The following PCDHGA4 variants were observed in gnomAD, a reference collection of about 807,000 sequenced individuals.
PCDHGA4 encodes protocadherin gamma-A4.
PCDHGA4 carries 38 observed loss-of-function variants against 54.6 expected under a neutral mutation model. The ratio of observed to expected loss-of-function variants is 0.70; its 90% CI spans 0.54 to 0.91. PCDHGA4 has a LOEUF of 0.91. PCDHGA4 is among the 40% of genes least tolerant of loss of function. The probability of loss-of-function intolerance (pLI) is 0.00; values close to 1 mark genes in which losing one functional copy is unlikely to be tolerated. For synonymous variants in PCDHGA4, 511 were observed against 512.9 expected (o/e 1.00, Z 0.05); for missense variants, 1,298 against 1,220.9 (o/e 1.06, Z -0.94).
chr5:141,468,832 C>G (rs530307522), intron 1 of PCDHGA4, among the ~76,000 whole-genome samples: 1 of 152,164 alleles, frequency 6.6e-6, no homozygotes, highest in South Asian at 2.1e-4. Flanking sequence ...AGCCACTGCA[C>G]TCCAGCCTGG....
intron 2 of PCDHGA4, among the ~76,000 whole-genome samples, chr5:141,499,022 A>C (rs1244590420): frequency 2.7e-5 from 4 of 150,722 alleles, no homozygotes; most frequent in Admixed American, 2.0e-4. Context: ...GGAAGGAAGG[A>C]AGGAAGAAAA....
At chr5:141,421,000 A>G (rs2096537102) in intron 1 of PCDHGA4, 1 of 507,878 alleles carries the variant, frequency 2.0e-6, no homozygotes, top group East Asian at 3.3e-5. Flanking sequence ...CTGCTCACCA[A>G]TCAGGGAATG....
chr5:141,366,737 G>GAAC, intron 1 of PCDHGA4: 2 of 1,612,444 alleles, frequency 1.2e-6, no homozygotes, highest in Non-Finnish European at 1.7e-6. Context: ...AAACAAAGAA[G>GAAC]AACGGCGAGT....
intron 1 of PCDHGA4, chr5:141,362,463 C>G (rs745712262): frequency 6.2e-7 from 1 of 1,613,916 alleles, no homozygotes; most frequent in Non-Finnish European, 8.5e-7. Flanking sequence ...AATTGGTTCC[C>G]GCGCAAGATC....
chr5:141,459,076 C>T (rs1474375780), intron 1 of PCDHGA4, among the ~76,000 whole-genome samples: 1 of 152,144 alleles, frequency 6.6e-6, no homozygotes, highest in Non-Finnish European at 1.5e-5. Context: ...ATAAAATTTG[C>T]CTTTTAAAAT....
chr5:141,400,076 T>C, intron 1 of PCDHGA4: 2 of 1,613,932 alleles, frequency 1.2e-6, no homozygotes, highest in Non-Finnish European at 1.7e-6. Context: ...CAGCCGCCAC[T>C]CTCCGCCACC....
At chr5:141,428,114 C>CG in intron 1 of PCDHGA4, 2 of 1,607,202 alleles carry the variant, frequency 1.2e-6, no homozygotes, top group Non-Finnish European at 1.7e-6. Flanking sequence ...TGCAGGCCAT[C>CG]GAGCCCGGGC....
At chr5:141,443,321 A>AC (rs1175439570) in intron 1 of PCDHGA4, among the ~76,000 whole-genome samples, 1 of 151,616 alleles carries the variant, frequency 6.6e-6, no homozygotes, top group African/African-American at 2.4e-5. Flanking sequence ...TCTCTACAAA[A>AC]AAAAAAAACA....
At chr5:141,382,022 T>C (rs1330641881) in intron 1 of PCDHGA4, among the ~76,000 whole-genome samples, 1 of 151,530 alleles carries the variant, frequency 6.6e-6, no homozygotes, top group Non-Finnish European at 1.5e-5. Context: ...AGAGACGGGG[T>C]TTCTCCATGT....
At position 141,431,106 on chromosome 5, in the gene PCDHGA4, T is replaced by C. The variant is rs566174531; in HGVS notation, c.2515-63701T>C. 25 of 1,614,108 alleles carry C rather than the reference T, an allele frequency of 1.5e-5. No homozygotes were observed. In the South Asian group the frequency reaches 2.7e-4, roughly 18 times the overall value. On this transcript the variant is annotated intron_variant, in intron 1 of 3. Transcript: ENST00000571252. This position sits in a 1 kb window ranked among gnomAD's most constrained non-coding sequence, Gnocchi z 4.8. ...ATTCTGATGGAGGATAAAGTGAAAA[T>C]ATATGGAGTAGAAGTAGAAGTAAGG...
chr5:141,383,109 T>A, intron 1 of PCDHGA4: 1 of 1,613,908 alleles, frequency 6.2e-7, no homozygotes, highest in Non-Finnish European at 8.5e-7. Context: ...TCTCCAGAGG[T>A]AGGACGCAGC....
In PCDHGA4 at chr5:141,486,143, G is replaced by T; in HGVS notation, c.2515-8664G>T. On this transcript the variant is annotated intron_variant, in intron 1 of 3. Coordinates refer to ENST00000571252, the MANE Select transcript of PCDHGA4 (RefSeq NM_018917.4). This position sits in a 1 kb window ranked among gnomAD's most constrained non-coding sequence, Gnocchi z 5.0. ...CTATGAATTTGATGTGCGGGCTCGC[G>T]ATGGGGGTTCTCCAGCCATGGAGCA... 6.2e-7 allele frequency: 1 copy of T among 1,614,198 alleles called. No homozygotes were observed. Among genetic ancestry groups the T allele is most frequent in the Non-Finnish European group, 8.5e-7 (1 of 1,180,030 alleles).
chr5:141,408,300 T>C lies in PCDHGA4; in HGVS notation c.2514+50679T>C. On this transcript the variant is annotated intron_variant, in intron 1 of 3. Coordinates refer to ENST00000571252, the MANE Select transcript of PCDHGA4 (RefSeq NM_018917.4). ...TTCTACCCCACCCTGAGTGAGCCGATCCGCTACTCGATTCCGGAGGAGCTG... is the reference window on the plus strand; with the variant it reads ...TTCTACCCCACCCTGAGTGAGCCGACCCGCTACTCGATTCCGGAGGAGCTG... The C allele has an allele frequency of 1.2e-6, 2 of 1,613,732 alleles. No homozygotes were observed. The highest frequency in any genetic ancestry group is 1.7e-6 in the Non-Finnish European group (2 of 1,179,694).
chr5:141,457,335 A>G (rs2098917073), intron 1 of PCDHGA4, among the ~76,000 whole-genome samples: 1 of 152,172 alleles, frequency 6.6e-6, no homozygotes, highest in Admixed American at 6.5e-5. Flanking sequence ...CAGGTACCTT[A>G]CTTACTTTCA....
At chr5:141,394,592 G>T (rs754585576) in intron 1 of PCDHGA4, 1 of 1,613,760 alleles carries the variant, frequency 6.2e-7, no homozygotes, top group Non-Finnish European at 8.5e-7. Flanking sequence ...AGGTGGTGGC[G>T]GTGGACAGAG....
At position 141,414,787 on chromosome 5, in the gene PCDHGA4, G is replaced by C. The variant is rs372484037; in HGVS notation, c.2514+57166G>C. ...TCATGAGCTACAGATGCAGGTGACA[G>C]CCAGCGACAGCGGGGATCCTCCACT... On this transcript the variant is annotated intron_variant, in intron 1 of 3. Coordinates refer to ENST00000571252, the MANE Select transcript of PCDHGA4 (RefSeq NM_018917.4). 12 of 1,614,230 alleles carry C rather than the reference G, an allele frequency of 7.4e-6. No homozygotes were observed. The highest frequency in any genetic ancestry group is 2.2e-5 in the East Asian group (1 of 44,874).
chr5:141,372,410 A>G (rs764498768), intron 1 of PCDHGA4: 2 of 1,613,980 alleles, frequency 1.2e-6, no homozygotes, highest in African/African-American at 2.7e-5. Flanking sequence ...AAGAGATACA[A>G]CCTGACCTTA....
chr5:141,403,775 G>A (rs760589412), intron 1 of PCDHGA4: 2 of 1,613,866 alleles, frequency 1.2e-6, no homozygotes, highest in Admixed American at 1.7e-5. Context: ...GGGAATCAAC[G>A]GAAAAGTGGC....
At chr5:141,410,438 G>T (rs957017717) in intron 1 of PCDHGA4, 1 of 1,613,894 alleles carries the variant, frequency 6.2e-7, no homozygotes, top group African/African-American at 1.3e-5. Flanking sequence ...CTACAGTGAG[G>T]GGACTTTGCC....
Sources: allele counts gnomAD v4.1 joint callset (sites outside exome capture counted in the v4.1 genomes callset), GRCh38; gene constraint gnomAD v4.1.1; non-coding constraint Gnocchi (gnomAD v3.1); transcripts MANE v1.5; gene names NCBI Gene and HGNC (gene_info 2026-07-23, HGNC 2026-07-21).